The following MECOM variants were observed in gnomAD, a reference collection of about 807,000 sequenced individuals.
MECOM encodes the protein histone-lysine N-methyltransferase MECOM.
Under a neutral mutation model 116.3 loss-of-function variants are expected in MECOM, and 13 were observed. That is an observed-to-expected ratio of 0.11 (90% CI 0.07 to 0.18). The LOEUF is 0.18. MECOM is among the 10% of genes least tolerant of loss of function. The pLI is 1.00. For synonymous variants in MECOM, 528 were observed against 535.2 expected, an observed-to-expected ratio of 0.99 and a Z score of 0.19; for missense variants, 1,299 against 1,509.0, an observed-to-expected ratio of 0.86 and a Z score of 2.31.
At chr3:169,356,017 TCA>T (rs1038747462) in intron 2 of MECOM, among the ~76,000 whole-genome samples, 2 of 151,856 alleles carry the variant, frequency 1.3e-5, no homozygotes, top group African/African-American at 2.4e-5. Context: ...TACTCAAAAT[TCA>T]CAGTTTCATT....
chr3:169,596,519 A>T (rs1337614557), intron 1 of MECOM, among the ~76,000 whole-genome samples: 1 of 152,214 alleles, frequency 6.6e-6, no homozygotes, highest in Non-Finnish European at 1.5e-5. Context: ...CTCAAAATGC[A>T]TATGAAGGAA....
At chr3:169,245,228 T>C (rs1314445924) in intron 2 of MECOM, among the ~76,000 whole-genome samples, 1 of 152,116 alleles carries the variant, frequency 6.6e-6, no homozygotes, top group East Asian at 1.9e-4. Flanking sequence ...ATATTATTAA[T>C]AGAAGTATCA....
intron 2 of MECOM, among the ~76,000 whole-genome samples, chr3:169,159,557 C>T (rs1255284827): frequency 6.6e-6 from 1 of 151,394 alleles, no homozygotes; most frequent in Non-Finnish European, 1.5e-5. Context: ...GATTCCGTCT[C>T]AAAAAAATAA....
At chr3:169,344,270 T>A (rs1461967484) in intron 2 of MECOM, among the ~76,000 whole-genome samples, 1 of 152,144 alleles carries the variant, frequency 6.6e-6, no homozygotes, top group Non-Finnish European at 1.5e-5. Context: ...TTAGGCATAG[T>A]GTCCTGGAAG....
intron 2 of MECOM, among the ~76,000 whole-genome samples, chr3:169,283,948 C>T (rs1712720707): frequency 6.6e-6 from 1 of 152,198 alleles, no homozygotes; most frequent in Non-Finnish European, 1.5e-5. Flanking sequence ...TTATCTGTTA[C>T]ATCAAAGTTT....
intron 1 of MECOM, among the ~76,000 whole-genome samples, chr3:169,399,709 A>G (rs1735569533): frequency 6.6e-6 from 1 of 152,236 alleles, no homozygotes; most frequent in Non-Finnish European, 1.5e-5. Context: ...AAATTCTGCC[A>G]GAAAGTTTTG....
intron 2 of MECOM, chr3:169,146,397 C>G (rs984128503): frequency 7.2e-7 from 1 of 1,388,340 alleles, no homozygotes; most frequent in Admixed American, 1.9e-5. Flanking sequence ...CCGAAACCGA[C>G]GGACAGAGAC....
rs10659980 is a variant in MECOM, at chr3:169,147,715, G to GGTGT, written c.376-3887_376-3884dup. 8.7e-4 allele frequency: 826 copies of GGTGT among 952,466 alleles called. 4 individuals are homozygous for GGTGT. The African/African-American group carries it at 0.011, about 12-fold the overall frequency. 59.0% of individuals were successfully genotyped at this position (952,466 alleles called of 1,614,324 possible). ...TTCGATGTCTTGAAAGCACAAGTGT[G>GGTGT]GTGTGTGTGTGTGTGTGTGCGCGCG... On this transcript the variant is annotated intron_variant, in intron 2 of 16. Coordinates refer to ENST00000651503, the MANE Select transcript of MECOM (RefSeq NM_004991.4).
chr3:169,463,376 A>G (rs1294957040), intron 1 of MECOM, among the ~76,000 whole-genome samples: 2 of 152,114 alleles, frequency 1.3e-5, no homozygotes, highest in Non-Finnish European at 2.9e-5. Flanking sequence ...CTAATTTGTA[A>G]TGGTTAAGTT....
chr3:169,571,883 A>C (rs573329706), intron 1 of MECOM, among the ~76,000 whole-genome samples: 1 of 152,340 alleles, frequency 6.6e-6, no homozygotes, highest in South Asian at 2.1e-4. Context: ...AACCATACAA[A>C]ACTCTAGAAG....
chr3:169,153,885 T>G (rs906360957), intron 2 of MECOM, among the ~76,000 whole-genome samples: 1 of 152,150 alleles, frequency 6.6e-6, no homozygotes, highest in South Asian at 2.1e-4. Context: ...GTATTTGTGT[T>G]TGTGTAACGG....
At chr3:169,398,952 T>C (rs1462148505) in intron 1 of MECOM, among the ~76,000 whole-genome samples, 15 of 152,316 alleles carry the variant, frequency 9.8e-5, no homozygotes, top group African/African-American at 3.1e-4. Context: ...AGGTGTCATC[T>C]CATCTGTTAA....
rs116403506 is a variant in MECOM at position 169,144,548 on chromosome 3, G to A, written c.376-716C>T. Among the ~76,000 whole-genome samples, 596 of 152,104 alleles carry A rather than the reference G, an allele frequency of 3.9e-3. 6 individuals carry two copies. The highest frequency in any genetic ancestry group is 0.014 in the African/African-American group (563 of 41,504). On this transcript the variant is annotated intron_variant, in intron 2 of 16. Transcript: ENST00000651503. ...TACTGTAATGAACTGCCATCATTAGGTATACTTGTATCTTGTTATTTTTCA... is the reference window on the plus strand; with the variant it reads ...TACTGTAATGAACTGCCATCATTAGATATACTTGTATCTTGTTATTTTTCA...
intron 2 of MECOM, among the ~76,000 whole-genome samples, chr3:169,322,774 T>C (rs1481680628): frequency 6.6e-6 from 1 of 151,636 alleles, no homozygotes. Context: ...GAGTCAGGCA[T>C]ATCACCTGAG....
chr3:169,112,747 T>C (rs1431868826), intron 9 of MECOM, 40 bp downstream of exon 9: 3 of 1,472,612 alleles, frequency 2.0e-6, no homozygotes, highest in South Asian at 1.2e-5. Context: ...GATCAACAAG[T>C]TAGTTTACAA....
chr3:169,229,483 G>C (rs1209104495), intron 2 of MECOM, among the ~76,000 whole-genome samples: 1 of 152,116 alleles, frequency 6.6e-6, no homozygotes, highest in East Asian at 1.9e-4. Context: ...CCATGGAGGG[G>C]CCGAGGTTAC....
intron 2 of MECOM, among the ~76,000 whole-genome samples, chr3:169,171,796 T>C (rs1244066663): frequency 6.6e-6 from 1 of 151,966 alleles, no homozygotes; most frequent in Non-Finnish European, 1.5e-5. Flanking sequence ...GAGCAAACTA[T>C]TAAAATACAG....
intron 1 of MECOM, among the ~76,000 whole-genome samples, chr3:169,388,975 A>T (rs1351678234): frequency 6.6e-6 from 1 of 152,200 alleles, no homozygotes; most frequent in Non-Finnish European, 1.5e-5. Context: ...AGCAAGGGAG[A>T]TGGCAAAGAA....
At chr3:169,124,960 T>C (rs1173108407) in intron 5 of MECOM, among the ~76,000 whole-genome samples, 1 of 151,998 alleles carries the variant, frequency 6.6e-6, no homozygotes, top group Non-Finnish European at 1.5e-5. Context: ...TGACTGGGAG[T>C]ATATGTAAGA....
Sources: allele counts gnomAD v4.1 joint callset (sites outside exome capture counted in the v4.1 genomes callset), GRCh38; gene constraint gnomAD v4.1.1; transcripts MANE v1.5; gene names NCBI Gene and HGNC (gene_info 2026-07-23, HGNC 2026-07-21).